FRAS1: variants seen among roughly 807,000 people sequenced by gnomAD.
FRAS1 encodes Fraser extracellular matrix complex subunit 1.
Under a neutral mutation model 435.2 loss-of-function variants are expected in FRAS1, and 290 were observed. The observed-to-expected ratio is 0.67, with a 90% CI of 0.61 to 0.73. FRAS1 has a LOEUF of 0.73. Among genes scored for constraint, FRAS1 ranks in the 30% least tolerant of loss-of-function variants. FRAS1 has a pLI of 0.00. For missense variants in FRAS1, 4,860 were observed against 5,001.5 expected (o/e 0.97, Z 0.85); for synonymous variants, 1,800 against 1,851.0 (o/e 0.97, Z 0.71).
chr4:78,409,001 G>A (rs1472575573), intron 31 of FRAS1, among the ~76,000 whole-genome samples: 2 of 72,796 alleles, frequency 2.7e-5, no homozygotes, highest in African/African-American at 7.0e-5. Context: ...CAGCTAGGCG[G>A]GAGGATCACT....
In FRAS1 at chr4:78,496,895, C is replaced by T. The variant is rs757433449; in HGVS notation, c.9049C>T (p.His3017Tyr). 90 of 1,613,522 alleles carry T rather than the reference C, an allele frequency of 5.6e-5. No homozygotes were observed. The highest frequency in any genetic ancestry group is 7.3e-5 in the Non-Finnish European group (86 of 1,179,654). The change falls in exon 60 of 74, where the codon CAC becomes TAC. Residue 3017 changes from histidine to tyrosine, a missense_variant. Physicochemically the swap from His to Tyr is moderately conservative, Grantham distance 83. Transcript: ENST00000512123. ...RVYLGLPLGN[H>Y]WSGARIGKNN... ...CTACCTCGGCCTTCCTCTTGGAAAC[C>T]ACTGGAGTGGAGCTAGAATTGGAAA...
At chr4:78,493,373 T>C (rs1221071593) in intron 59 of FRAS1, among the ~76,000 whole-genome samples, 1 of 152,208 alleles carries the variant, frequency 6.6e-6, no homozygotes, top group Admixed American at 6.5e-5. Flanking sequence ...ATTGCAGCAC[T>C]ATTCACAATA....
intron 28 of FRAS1, among the ~76,000 whole-genome samples, chr4:78,384,907 CAAAAA>C (rs11315732): frequency 2.9e-5 from 3 of 101,762 alleles, no homozygotes; most frequent in Admixed American, 1.0e-4. Context: ...GACCCTGTCT[CAAAAA>C]AAAAAAAAAA....
chr4:78,277,603 G>A (rs577109999), intron 9 of FRAS1, among the ~76,000 whole-genome samples: 4 of 152,136 alleles, frequency 2.6e-5, no homozygotes, highest in Admixed American at 2.6e-4. Context: ...AAAAACAGCA[G>A]ATTTTCTGGG....
At position 78,108,810 on chromosome 4, in the gene FRAS1, A is replaced by G. The variant is rs1489001846; in HGVS notation, c.108+42794A>G. Among the ~76,000 whole-genome samples the G allele has an allele frequency of 1.6e-5, 2 of 122,486 alleles. 1 individual carries two copies. The highest frequency in any genetic ancestry group is 4.2e-4 in the East Asian group (2 of 4,746). The allele number at this position is 122,486 out of a possible 152,430, so 80.4% of individuals were successfully genotyped here. On this transcript the variant is annotated intron_variant, in intron 2 of 73. Transcript: ENST00000512123. ...CCTTCAAAAAATCAATGAATCCAGG[A>G]GCTGGTTTTTTGAAAGGATCAACAA...
intron 2 of FRAS1, among the ~76,000 whole-genome samples, chr4:78,154,410 A>C (rs2110015624): frequency 6.6e-6 from 1 of 152,314 alleles, no homozygotes; most frequent in African/African-American, 2.4e-5. Flanking sequence ...TTTAAAACCC[A>C]TTTAAAATAT....
chr4:78,228,783 G>A (rs1724384270), intron 2 of FRAS1, among the ~76,000 whole-genome samples: 1 of 152,152 alleles, frequency 6.6e-6, no homozygotes, highest in African/African-American at 2.4e-5. Context: ...GCAAGTGTCC[G>A]AGCTCATAGC....
chr4:78,509,076 A>G, intron 63 of FRAS1, 70 bp downstream of exon 63: 1 of 1,536,652 alleles, frequency 6.5e-7, no homozygotes, highest in Non-Finnish European at 8.9e-7. Context: ...TGTTACTCAG[A>G]TAATCAAATT....
At chr4:78,249,323 C>CTTTTTTTTT (rs11308579) in intron 4 of FRAS1, among the ~76,000 whole-genome samples, 1 of 47,208 alleles carries the variant, frequency 2.1e-5, no homozygotes, top group African/African-American at 7.4e-5. Context: ...GCAGTGGAGC[C>CTTTTTTTTT]TTTTTTTTTT....
At chr4:78,069,786 GTTTT>G (rs5859604) in intron 2 of FRAS1, among the ~76,000 whole-genome samples, 5,494 of 147,076 alleles carry the variant, frequency 0.037, 133 homozygotes, top group East Asian at 0.099. Flanking sequence ...CCAGGAAATA[GTTTT>G]TTTTTTTTTT....
intron 29 of FRAS1, among the ~76,000 whole-genome samples, chr4:78,388,929 A>G (rs1732336444): frequency 6.6e-6 from 1 of 152,238 alleles, no homozygotes; most frequent in African/African-American, 2.4e-5. Flanking sequence ...CTTTGTATCA[A>G]CTTACTTTTT....
intron 47 of FRAS1, among the ~76,000 whole-genome samples, chr4:78,452,917 G>A (rs1198940637): frequency 6.6e-6 from 1 of 152,228 alleles, no homozygotes; most frequent in Non-Finnish European, 1.5e-5. Context: ...GAGTTTAAAA[G>A]TGGGAGAGGC....
At chr4:78,364,200 G>A (rs57911981) in intron 22 of FRAS1, 146 bp downstream of exon 22, 124,584 of 978,206 alleles carry the variant, frequency 0.13, 10,542 homozygotes, top group East Asian at 0.36. Context: ...TACAAAGGCA[G>A]TAAGGTTGCC....
intron 3 of FRAS1, among the ~76,000 whole-genome samples, chr4:78,238,076 T>C (rs1724838484): frequency 6.6e-6 from 1 of 152,108 alleles, no homozygotes; most frequent in Admixed American, 6.5e-5. Context: ...ATCGAATGGA[T>C]TGAAAGTCAG....
intron 58 of FRAS1, among the ~76,000 whole-genome samples, chr4:78,485,030 C>T (rs1436310073): frequency 3.3e-5 from 5 of 152,086 alleles, no homozygotes; most frequent in Non-Finnish European, 7.4e-5. Flanking sequence ...CATTAATTTC[C>T]CTCTGATGAA....
intron 2 of FRAS1, among the ~76,000 whole-genome samples, chr4:78,177,680 A>C (rs565613863): frequency 1.3e-5 from 2 of 152,050 alleles, no homozygotes; most frequent in African/African-American, 4.8e-5. Context: ...AGCACCTGTA[A>C]CTCCTGGTTC....
intron 14 of FRAS1, among the ~76,000 whole-genome samples, chr4:78,304,465 G>T (rs946436205): frequency 6.6e-6 from 1 of 152,154 alleles, no homozygotes; most frequent in East Asian, 1.9e-4. Flanking sequence ...TGTACCTCTG[G>T]TAGCATTCGG....
intron 73 of FRAS1, 47 bp downstream of exon 73, chr4:78,539,487 A>G (rs1287035968): frequency 2.1e-6 from 3 of 1,431,882 alleles, no homozygotes; most frequent in Non-Finnish European, 1.9e-6. Flanking sequence ...GTCTACTTTA[A>G]AGCTTGAAAA....
At chr4:78,463,888 G>A in intron 47 of FRAS1, 133 bp from the exon 48 acceptor site, 1 of 956,156 alleles carries the variant, frequency 1.0e-6, no homozygotes, top group Non-Finnish European at 1.6e-6. Context: ...AGGTCCTCAA[G>A]TGGAGGAAAT....
Sources: allele counts gnomAD v4.1 joint callset (sites outside exome capture counted in the v4.1 genomes callset), GRCh38; gene constraint gnomAD v4.1.1; transcripts MANE v1.5; gene names NCBI Gene and HGNC (gene_info 2026-07-23, HGNC 2026-07-21).